The following GUCY1B1 variants were observed in gnomAD, a reference collection of about 807,000 sequenced individuals.
GUCY1B1 encodes the protein guanylate cyclase 1 soluble subunit beta 1.
In GUCY1B1, 43 loss-of-function variants were observed where a neutral mutation model predicts 71.0. The ratio of observed to expected loss-of-function variants is 0.61; its 90% CI spans 0.47 to 0.78. The LOEUF (loss-of-function observed/expected upper bound fraction) is 0.78, where lower values mean the gene tolerates loss of function less well. Among genes scored for constraint, GUCY1B1 ranks in the 30% least tolerant of loss-of-function variants. The pLI, the probability that GUCY1B1 is intolerant of heterozygous loss-of-function variation, is 0.00. For synonymous variants in GUCY1B1, 266 were observed against 259.7 expected (o/e 1.02, Z -0.23); for missense variants, 535 against 754.1 (o/e 0.71, Z 3.40).
chr4:155,798,199 C>T (rs1291198144), intron 8 of GUCY1B1, among the ~76,000 whole-genome samples: 3 of 152,180 alleles, frequency 2.0e-5, no homozygotes, highest in Non-Finnish European at 4.4e-5. Context: ...TTTGTACTCA[C>T]ACTACATAAA....
chr4:155,804,961 ATT>A (rs1438539044), intron 12 of GUCY1B1, 140 bp from the exon 13 acceptor site: 1 of 786,410 alleles, frequency 1.3e-6, no homozygotes, highest in Non-Finnish European at 2.1e-6. Flanking sequence ...TGATATGATC[ATT>A]GTTTCTAAAG....
At chr4:155,772,833 TA>T (rs1189037712) in intron 2 of GUCY1B1, 69 of 688,408 alleles carry the variant, frequency 1.0e-4, no homozygotes, top group South Asian at 1.8e-4. Flanking sequence ...AACATGCTTT[TA>T]AAAAAAAAGT....
chr4:155,805,301 T>G (rs1740243355), intron 13 of GUCY1B1, 72 bp downstream of exon 13: 1 of 1,197,824 alleles, frequency 8.3e-7, no homozygotes, highest in Non-Finnish European at 1.2e-6. Flanking sequence ...GCAAAATCAC[T>G]GAAAATGTAT....
chr4:155,759,406 G>A (rs1736794718), intron 1 of GUCY1B1: 1 of 544,706 alleles, frequency 1.8e-6, no homozygotes, highest in Non-Finnish European at 3.2e-6. Context: ...AAGGGGAGGT[G>A]CGGCGGAGGC....
Position 155,759,845 on chromosome 4 carries a change from T to G in GUCY1B1, c.62T>G (p.Val21Gly). 6.2e-7 allele frequency: 1 copy of G among 1,611,988 alleles called. No individual in the cohort carries two copies. The highest frequency in any genetic ancestry group is 1.1e-5 in the South Asian group (1 of 90,990). Residue 21 changes from valine to glycine, a missense_variant, in exon 2 of 14, where the codon GTG becomes GGG. By Grantham distance (109) the Val-to-Gly change is moderately radical. Coordinates refer to ENST00000264424, the MANE Select transcript of GUCY1B1 (RefSeq NM_000857.5). ...LLVIRNYGPE[V>G]WEDIKKEAQL... is the part of the protein sequence containing the mutation. ...GTGATCCGCAATTACGGCCCCGAGG[T>G]GTGGGAAGACATCAAGTAAGTGGCC... is the stretch of plus-strand genomic sequence containing the variant.
At chr4:155,772,667 A>C (rs1047792195) in intron 2 of GUCY1B1, 6 of 701,508 alleles carry the variant, frequency 8.6e-6, no homozygotes, top group Middle Eastern at 4.6e-4. Flanking sequence ...GGATCCTCCC[A>C]CCTGGGCTTC....
chr4:155,768,452 G>GT (rs1340056105), intron 2 of GUCY1B1, among the ~76,000 whole-genome samples: 1 of 111,580 alleles, frequency 9.0e-6, no homozygotes. Context: ...TTGATTACTT[G>GT]TTTGTTTTTT....
chr4:155,793,719 G>A (rs1045122026), intron 5 of GUCY1B1, 137 bp from the exon 6 acceptor site: 11 of 575,676 alleles, frequency 1.9e-5, no homozygotes, highest in Non-Finnish European at 3.1e-5. Flanking sequence ...TTAGACATAT[G>A]GAGTATTTGC....
At chr4:155,791,178 G>A (rs149237936) in intron 5 of GUCY1B1, among the ~76,000 whole-genome samples, 32 of 150,300 alleles carry the variant, frequency 2.1e-4, no homozygotes, top group Non-Finnish European at 3.3e-4. Flanking sequence ...GCAGTGGCGC[G>A]ATCTCCGCTC....
chr4:155,803,548 A>T (rs1367602010), intron 10 of GUCY1B1, 76 bp from the exon 11 acceptor site: 1 of 1,043,206 alleles, frequency 9.6e-7, no homozygotes, highest in African/African-American at 1.6e-5. Flanking sequence ...TTGAAAAAAT[A>T]TGTTTTTTGT....
At chr4:155,773,829 A>G (rs1041899869) in intron 2 of GUCY1B1, among the ~76,000 whole-genome samples, 1 of 152,146 alleles carries the variant, frequency 6.6e-6, no homozygotes, top group Non-Finnish European at 1.5e-5. Flanking sequence ...CTGGGACTAC[A>G]GGCACCCGCC....
chr4:155,766,553 A>G (rs1737347751), intron 2 of GUCY1B1, among the ~76,000 whole-genome samples: 1 of 152,186 alleles, frequency 6.6e-6, no homozygotes, highest in South Asian at 2.1e-4. Context: ...TGCCAAATAA[A>G]CATTTCTTAT....
intron 2 of GUCY1B1, among the ~76,000 whole-genome samples, chr4:155,770,215 G>A (rs550735524): frequency 6.0e-4 from 92 of 152,160 alleles, no homozygotes; most frequent in Non-Finnish European, 9.4e-4. Flanking sequence ...TTTACTGGTC[G>A]CCCTCTGTGA....
chr4:155,806,508 TTC>T lies in GUCY1B1; in HGVS notation c.*101_*102del. 3.9e-6 allele frequency: 3 copies of T among 778,226 alleles called. No homozygotes were observed. Among genetic ancestry groups the T allele is most frequent in the East Asian group, 2.6e-5 (1 of 39,082 alleles). 48.2% of individuals were successfully genotyped at this position (778,226 alleles called of 1,614,324 possible). On this transcript the variant is annotated 3_prime_UTR_variant, in exon 14 of 14. Coordinates refer to ENST00000264424, the MANE Select transcript of GUCY1B1 (RefSeq NM_000857.5). ...CAGTTCTTCCCTATGGATACAGATTTTCTTTTGTCCTTGTCCATTACCCCAAG... is the reference window on the plus strand; with the variant it reads ...CAGTTCTTCCCTATGGATACAGATTTTTTTGTCCTTGTCCATTACCCCAAG...
chr4:155,782,090 T>C (rs1738466144), intron 4 of GUCY1B1, among the ~76,000 whole-genome samples: 2 of 152,032 alleles, frequency 1.3e-5, no homozygotes, highest in African/African-American at 2.4e-5. Context: ...TTATTATTAT[T>C]ATTGAGACGG....
chr4:155,798,835 T>C (rs1453542395), intron 8 of GUCY1B1, among the ~76,000 whole-genome samples: 2 of 140,500 alleles, frequency 1.4e-5, no homozygotes, highest in South Asian at 2.5e-4. Context: ...TTAGGTTTTG[T>C]TGTCGTTGTT....
intron 2 of GUCY1B1, among the ~76,000 whole-genome samples, chr4:155,773,545 C>T (rs1413831077): frequency 6.6e-6 from 1 of 152,128 alleles, no homozygotes; most frequent in Non-Finnish European, 1.5e-5. Flanking sequence ...TGTTTAAAAA[C>T]ATCTCAAACT....
In GUCY1B1 at chr4:155,795,207, T is replaced by C. The variant is rs1739462978; in HGVS notation, c.727-134T>C. ...GATTTGAGTTGATAGTTCAGCTAAG[T>C]TTCCCTTGAATTATAATAATTATAA... On this transcript the variant is annotated intron_variant, in intron 6 of 13. Transcript: ENST00000264424. 5.7e-6 allele frequency: 3 copies of C among 522,580 alleles called. No homozygotes were observed. In the East Asian group the frequency reaches 9.1e-5, roughly 16 times the overall value. 32.4% of individuals were successfully genotyped at this position (522,580 alleles called of 1,614,324 possible). A position where few individuals can be genotyped will look rare whatever the true frequency, so the allele number is the denominator to read the frequency against.
At position 155,805,108 on chromosome 4, in the gene GUCY1B1, T is replaced by C; in HGVS notation, c.1715T>C (p.Leu572Pro). ...INVSEYTYRC[L>P]MSPENSDPQF... ...CCCCTTCCCTTGTCTTTTAGATGTC[T>C]TATGTCTCCAGAAAATTCAGATCCA... Residue 572 changes from leucine (L) to proline (P), a missense_variant, in exon 13 of 14, where the codon CTT (leucine) becomes CCT (proline). By Grantham distance (98) the Leu-to-Pro change is moderately conservative. Coordinates refer to ENST00000264424, the MANE Select transcript of GUCY1B1 (RefSeq NM_000857.5). 6.2e-7 allele frequency: 1 copy of C among 1,611,758 alleles called. No homozygotes were observed. Among genetic ancestry groups the C allele is most frequent in the Non-Finnish European group, 8.5e-7 (1 of 1,178,284 alleles).
Sources: gnomAD v4.1 joint callset for allele counts (sites outside exome capture counted in the v4.1 genomes callset) on GRCh38, gnomAD v4.1.1 for gene constraint, MANE v1.5 for transcripts, NCBI Gene and HGNC (gene_info 2026-07-23, HGNC 2026-07-21) for gene names.